The following SHQ1 variants were observed in gnomAD, a reference collection of about 807,000 sequenced individuals.
SHQ1 encodes the protein SHQ1, H/ACA ribonucleoprotein assembly factor.
Under a neutral mutation model 53.8 loss-of-function variants are expected in SHQ1, and 49 were observed. That is an observed-to-expected ratio of 0.91 (90% confidence interval 0.72 to 1.16). The LOEUF is 1.16. Ranked by LOEUF, SHQ1 falls within the 50% of genes most tolerant of loss-of-function variation. SHQ1 has a pLI of 0.00. For missense variants in SHQ1, 738 were observed against 683.1 expected, an observed-to-expected ratio of 1.08 and a Z score of -0.90; for synonymous variants, 243 against 251.0, an observed-to-expected ratio of 0.97 and a Z score of 0.30.
intron 5 of SHQ1, among the ~76,000 whole-genome samples, chr3:72,825,668 T>C (rs1189972565): frequency 6.6e-6 from 1 of 152,202 alleles, no homozygotes; most frequent in Non-Finnish European, 1.5e-5. Flanking sequence ...GGAAAAGCAT[T>C]AACAAGGTAT....
intron 5 of SHQ1, among the ~76,000 whole-genome samples, chr3:72,831,728 A>G (rs1459356655): frequency 6.6e-6 from 1 of 152,210 alleles, no homozygotes; most frequent in East Asian, 1.9e-4. Context: ...AGGTATCACA[A>G]TCTCTCAAGT....
intron 9 of SHQ1, among the ~76,000 whole-genome samples, chr3:72,806,924 G>A (rs1400532541): frequency 2.0e-5 from 3 of 152,164 alleles, no homozygotes; most frequent in Non-Finnish European, 4.4e-5. Context: ...TAGCTCCCTA[G>A]GTAGTGAACA....
At chr3:72,830,029 A>G (rs1707777295) in intron 5 of SHQ1, among the ~76,000 whole-genome samples, 3 of 152,096 alleles carry the variant, frequency 2.0e-5, no homozygotes. Flanking sequence ...GGAATTACAA[A>G]TAAGAAATGG....
intron 10 of SHQ1, chr3:72,753,247 G>T (rs958661577): frequency 3.0e-6 from 3 of 985,400 alleles, no homozygotes; most frequent in Non-Finnish European, 2.4e-6. Context: ...ACATTGAGTG[G>T]CTTTGAGACA....
At chr3:72,751,508 G>GTGTGTGTATATATA (rs1210782182) in intron 10 of SHQ1, among the ~76,000 whole-genome samples, 4 of 116,984 alleles carry the variant, frequency 3.4e-5, no homozygotes, top group African/African-American at 1.3e-4. Context: ...GTGTGTGTGT[G>GTGTGTGTATATATA]TATATATATA....
At chr3:72,793,270 G>C in intron 9 of SHQ1, 1 of 313,130 alleles carries the variant, frequency 3.2e-6, no homozygotes, top group Middle Eastern at 1.0e-3. Flanking sequence ...CACTTTGGGA[G>C]GCCGAGGCGG....
chr3:72,807,723 A>G (rs1706994315), intron 9 of SHQ1, among the ~76,000 whole-genome samples: 1 of 152,240 alleles, frequency 6.6e-6, no homozygotes, highest in African/African-American at 2.4e-5. Flanking sequence ...AACATCCATT[A>G]TTCTTTTAAA....
intron 10 of SHQ1, among the ~76,000 whole-genome samples, chr3:72,791,753 T>C (rs1386378622): frequency 6.6e-6 from 1 of 152,086 alleles, no homozygotes; most frequent in East Asian, 1.9e-4. Context: ...GGTCTCACTA[T>C]GTTGCCCAGG....
At chr3:72,752,224 T>C (rs1705399970) in intron 10 of SHQ1, among the ~76,000 whole-genome samples, 1 of 152,194 alleles carries the variant, frequency 6.6e-6, no homozygotes, top group South Asian at 2.1e-4. Context: ...ATATGCTACA[T>C]ATATATAAAA....
intron 7 of SHQ1, 33 bp from the exon 8 acceptor site, chr3:72,815,436 C>T (rs1707283446): frequency 1.9e-6 from 3 of 1,558,836 alleles, no homozygotes; most frequent in African/African-American, 2.7e-5. Flanking sequence ...AATACCATCA[C>T]ATTAGAGGTG....
intron 10 of SHQ1, among the ~76,000 whole-genome samples, chr3:72,765,555 A>T (rs1019541701): frequency 0.14 from 9,701 of 71,298 alleles, 907 homozygotes; most frequent in African/African-American, 0.25. Flanking sequence ...ATATATATAT[A>T]TATTTTTTTT....
At position 72,754,713 on chromosome 3, in the gene SHQ1, T is replaced by C. The variant is rs80277821; in HGVS notation, c.1182-3877A>G. Among the ~76,000 whole-genome samples, 1,060 of 152,304 alleles carry C rather than the reference T, an allele frequency of 7.0e-3. 15 individuals are homozygous for C. Among genetic ancestry groups the C allele is most frequent in the African/African-American group, 0.024 (1,008 of 41,564 alleles). On this transcript the variant is annotated intron_variant, in intron 10 of 10. Transcript: ENST00000325599. ...CCTTTCTTAAGGCCACATTCTTTAC[T>C]TCTTCCTAACTTGAGCTCCACTCAG... is the stretch of plus-strand genomic sequence containing the variant.
At chr3:72,761,914 G>A (rs895422677) in intron 10 of SHQ1, among the ~76,000 whole-genome samples, 2 of 152,118 alleles carry the variant, frequency 1.3e-5, no homozygotes, top group African/African-American at 2.4e-5. Flanking sequence ...ATCGTCAAAC[G>A]ATAAACAGGT....
chr3:72,749,512 A>G lies in SHQ1; in HGVS notation c.*772T>C, dbSNP rs1250306347. 4.6e-6 allele frequency: 1 copy of G among 218,772 alleles called. No homozygotes were observed. Among genetic ancestry groups the G allele is most frequent in the Admixed American group, 5.8e-5 (1 of 17,290 alleles). The allele number at this position is 218,772 out of a possible 1,614,324, so 13.6% of individuals were successfully genotyped here. Reference sequence around the variant, plus strand: ...ATACATATTGTATGATTCAATTTACATAGAATTCTAGGACATGCAAACTAA... The same window carrying G: ...ATACATATTGTATGATTCAATTTACGTAGAATTCTAGGACATGCAAACTAA... On this transcript the variant is annotated 3_prime_UTR_variant, in exon 11 of 11. Coordinates refer to ENST00000325599, the MANE Select transcript of SHQ1 (RefSeq NM_018130.3).
intron 8 of SHQ1, 90 bp downstream of exon 8, chr3:72,815,260 G>C: frequency 2.9e-6 from 3 of 1,019,538 alleles, no homozygotes; most frequent in Non-Finnish European, 4.6e-6. Flanking sequence ...AAAATTCAAG[G>C]AATTGCTTGA....
At chr3:72,803,400 G>C (rs1035965075) in intron 9 of SHQ1, among the ~76,000 whole-genome samples, 8 of 152,056 alleles carry the variant, frequency 5.3e-5, no homozygotes, top group Admixed American at 4.6e-4. Flanking sequence ...CCTGCTTGGC[G>C]AAGTAGGCAT....
chr3:72,763,817 G>A (rs967103981), intron 10 of SHQ1, among the ~76,000 whole-genome samples: 1 of 152,128 alleles, frequency 6.6e-6, no homozygotes, highest in Non-Finnish European at 1.5e-5. Flanking sequence ...CAACCCAAAT[G>A]ACACCTTGAT....
At chr3:72,848,165 C>T (rs768644554) in intron 1 of SHQ1, 33 bp downstream of exon 1, 4 of 1,612,802 alleles carry the variant, frequency 2.5e-6, no homozygotes, top group South Asian at 1.1e-5. Flanking sequence ...CTAACGAATG[C>T]GCCTTTCCTG....
Position 72,750,610 on chromosome 3 carries a change from C to T in SHQ1, c.1408G>A (p.Asp470Asn). The change falls in exon 11 of 11, where the codon GAC becomes AAC. Residue 470 changes from aspartate (D) to asparagine (N), a missense_variant. Physicochemically the swap from Asp to Asn is conservative, Grantham distance 23. Transcript: ENST00000325599. ...SDSSVSSGNE[D>N]SGSDSEQDEL... ...TCTTGTTCTGAATCTGAGCCTGAGT[C>T]TTCGTTTCCAGATGACACGCTGCTG... 5.6e-6 allele frequency: 9 copies of T among 1,614,224 alleles called. No homozygotes were observed. Among genetic ancestry groups the T allele is most frequent in the South Asian group, 3.3e-5 (3 of 91,090 alleles).
Sources: gnomAD v4.1 joint callset for allele counts (sites outside exome capture counted in the v4.1 genomes callset) on GRCh38, gnomAD v4.1.1 for gene constraint, MANE v1.5 for transcripts, NCBI Gene and HGNC (gene_info 2026-07-23, HGNC 2026-07-21) for gene names.